CLCA2: variants seen among roughly 807,000 people sequenced by gnomAD.
The protein encoded by CLCA2 is calcium-activated chloride channel regulator 2.
A neutral mutation model predicts 82.9 loss-of-function variants in CLCA2; 85 were observed. That is an observed-to-expected ratio of 1.03 (90% CI 0.86 to 1.23). The LOEUF (loss-of-function observed/expected upper bound fraction) is 1.23. Among genes scored for constraint, CLCA2 ranks in the 50% most tolerant of loss-of-function variants. CLCA2 has a pLI of 0.00. For synonymous variants in CLCA2, 421 were observed against 391.7 expected (o/e 1.07, Z -0.88); for missense variants, 1,089 against 1,124.8 (o/e 0.97, Z 0.45).
chr1:86,443,705 TAA>T, intron 9 of CLCA2, 80 bp from the exon 10 acceptor site: 1 of 1,012,054 alleles, frequency 9.9e-7, no homozygotes, highest in African/African-American at 1.7e-5. Context: ...TTTTGCCAAT[TAA>T]TTGTTGTTTG....
At chr1:86,427,170 G>A (rs934930592) in intron 2 of CLCA2, among the ~76,000 whole-genome samples, 1 of 152,132 alleles carries the variant, frequency 6.6e-6, no homozygotes, top group African/African-American at 2.4e-5. Context: ...AAAGGGTTAG[G>A]AAAAGTAGAT....
Position 86,430,858 on chromosome 1 carries a change from G to T in CLCA2, c.476-4G>T, listed in dbSNP as rs3737672. ...CTCAAAAGCAAAAGTTCTTTCTTCC[G>T]CAGGCCGAGTGTTTGTCCATGAATG... is the stretch of plus-strand genomic sequence containing the variant. On this transcript the variant is annotated splice_polypyrimidine_tract_variant and splice_region_variant and intron_variant, in intron 3 of 13. Transcript: ENST00000370565. 1.2e-6 allele frequency: 2 copies of T among 1,609,778 alleles called. No individual in the cohort carries two copies. Among genetic ancestry groups the T allele is most frequent in the Non-Finnish European group, 1.7e-6 (2 of 1,177,852 alleles).
At position 86,434,783 on chromosome 1, in the gene CLCA2, A is replaced by AT. The variant is rs755354597; in HGVS notation, c.972+44dup. The AT allele has an allele frequency of 1.7e-5, 25 of 1,466,858 alleles. No individual in the cohort carries two copies. The East Asian group carries it at 3.4e-4, about 20-fold the overall frequency. The allele number at this position is 1,466,858 out of a possible 1,614,324, so 90.9% of individuals were successfully genotyped here. On this transcript the variant is annotated intron_variant, in intron 6 of 13. Transcript: ENST00000370565. ...ACGAAAATGAATGTAAACATTTATC[A>AT]TTTTTTCTATCAGTTCTTTATTATC...
At chr1:86,443,034 T>A (rs1428966916) in intron 9 of CLCA2, among the ~76,000 whole-genome samples, 1 of 152,082 alleles carries the variant, frequency 6.6e-6, no homozygotes, top group Non-Finnish European at 1.5e-5. Context: ...TAAATAATTT[T>A]TTTTTTTTTT....
chr1:86,450,471 G>A, intron 11 of CLCA2, 92 bp from the exon 12 acceptor site: 1 of 987,328 alleles, frequency 1.0e-6, no homozygotes, highest in Non-Finnish European at 1.5e-6. Context: ...TATATAGAAA[G>A]AATAAGGGGA....
intron 5 of CLCA2, 78 bp from the exon 6 acceptor site, chr1:86,434,440 T>A (rs1558105959): frequency 8.4e-7 from 1 of 1,186,132 alleles, no homozygotes; most frequent in Non-Finnish European, 1.2e-6. Flanking sequence ...TTCTTTTACC[T>A]ATAGTTCCTT....
chr1:86,435,946 A>C lies in CLCA2; in HGVS notation c.972+1201A>C, dbSNP rs549297789. Among the ~76,000 whole-genome samples, 136 of 148,042 alleles carry C rather than the reference A, an allele frequency of 9.2e-4. 1 individual carries two copies. The highest frequency in any genetic ancestry group is 4.8e-3 in the South Asian group (22 of 4,620). ...TTTTAAATGGTTAAAAAAAAAAAAG[A>C]GGCTTTTTCATGATGTGTGAAAAGT... is the stretch of plus-strand genomic sequence containing the variant. On this transcript the variant is annotated intron_variant, in intron 6 of 13. Coordinates refer to ENST00000370565, the MANE Select transcript of CLCA2 (RefSeq NM_006536.7).
intron 3 of CLCA2, among the ~76,000 whole-genome samples, chr1:86,429,586 G>T (rs904543384): frequency 6.6e-5 from 10 of 152,206 alleles, no homozygotes; most frequent in African/African-American, 2.4e-4. Flanking sequence ...AGAAGTCAGG[G>T]TCATAGGCCT....
chr1:86,446,948 ATAG>A (rs1169223735), intron 10 of CLCA2, among the ~76,000 whole-genome samples: 2 of 152,244 alleles, frequency 1.3e-5, no homozygotes, highest in Non-Finnish European at 2.9e-5. Context: ...CCTATTAAAA[ATAG>A]TAGGTCCTTT....
Position 86,443,925 on chromosome 1 carries a change from C to A in CLCA2, c.1627C>A (p.Pro543Thr). ...TCCTCCTGAGATTATATTATTTGAT[C>A]CTGATGGACGAAAATACTACACAAA... ...SGPPEIILFD[P>T]DGRKYYTNNF... The change falls in exon 10 of 14, where the codon CCT becomes ACT. Residue 543 changes from proline to threonine, a missense_variant. Coordinates refer to ENST00000370565, the MANE Select transcript of CLCA2 (RefSeq NM_006536.7). 6.2e-7 allele frequency: 1 copy of A among 1,613,442 alleles called. No individual in the cohort carries two copies. Among genetic ancestry groups the A allele is most frequent in the Non-Finnish European group, 8.5e-7 (1 of 1,179,460 alleles).
rs556199888 is a variant in CLCA2 at position 86,453,428 on chromosome 1, T to C, written c.2215T>C (p.Trp739Arg). 14 of 1,613,948 alleles carry C rather than the reference T, an allele frequency of 8.7e-6. No homozygotes were observed. Among genetic ancestry groups the C allele is most frequent in the East Asian group, 4.5e-5 (2 of 44,860 alleles). Reference protein sequence around the residue: ...SVGRNEEERKWGFSRVSSGGS... With the variant: ...SVGRNEEERKRGFSRVSSGGS... ...AGGCAGAAATGAGGAGGAGCGAAAG[T>C]GGGGCTTTAGCCGAGTCAGCTCAGG... is the stretch of plus-strand genomic sequence containing the variant. The change falls in exon 13 of 14, where the codon TGG (tryptophan) becomes CGG (arginine). Residue 739 changes from tryptophan (W) to arginine (R), a missense_variant. Transcript: ENST00000370565.
At chr1:86,431,655 A>C (rs1040272799) in intron 4 of CLCA2, among the ~76,000 whole-genome samples, 2 of 152,196 alleles carry the variant, frequency 1.3e-5, no homozygotes, top group Non-Finnish European at 2.9e-5. Context: ...AAATATCATC[A>C]TTACATGTTC....
intron 13 of CLCA2, among the ~76,000 whole-genome samples, chr1:86,454,196 A>T (rs1259900358): frequency 1.3e-5 from 2 of 152,070 alleles, no homozygotes; most frequent in Non-Finnish European, 2.9e-5. Flanking sequence ...TTTTTTACCC[A>T]ATTTCCACAA....
At chr1:86,451,268 T>C (rs1662956732) in intron 12 of CLCA2, among the ~76,000 whole-genome samples, 1 of 152,168 alleles carries the variant, frequency 6.6e-6, no homozygotes, top group African/African-American at 2.4e-5. Context: ...TTTAACACCA[T>C]TATAATAGTT....
rs1662734587 is a variant in CLCA2 at position 86,441,424 on chromosome 1, T to C, written c.1382-13T>C. ...CCCATTTTAATAGTGAACACTCCTA[T>C]CATGTATTTCAGGAGGTTTAAAGTT... On this transcript the variant is annotated splice_polypyrimidine_tract_variant and intron_variant, in intron 8 of 13. Transcript: ENST00000370565. The C allele has an allele frequency of 6.8e-7, 1 of 1,467,586 alleles. No individual in the cohort carries two copies. The highest frequency in any genetic ancestry group is 2.3e-5 in the East Asian group (1 of 43,944). The allele number at this position is 1,467,586 out of a possible 1,614,324, so 90.9% of individuals were successfully genotyped here. A position where few individuals can be genotyped will look rare whatever the true frequency, so the allele number is the denominator to read the frequency against.
intron 11 of CLCA2, 86 bp downstream of exon 11, chr1:86,447,864 A>T: frequency 7.2e-7 from 1 of 1,388,164 alleles, no homozygotes; most frequent in Non-Finnish European, 9.6e-7. Flanking sequence ...GCTTATCTGT[A>T]AGATTCCTTG....
chr1:86,424,392 C>T lies in CLCA2; in HGVS notation c.145C>T (p.Pro49Ser). The T allele has an allele frequency of 6.2e-7, 1 of 1,611,620 alleles. No individual in the cohort carries two copies. The highest frequency in any genetic ancestry group is 8.5e-7 in the Non-Finnish European group (1 of 1,179,262). The change falls in exon 1 of 14, where the codon CCT (proline) becomes TCT (serine). Residue 49 changes from proline to serine, a missense_variant. Physicochemically the swap from Pro to Ser is moderately conservative, Grantham distance 74. Coordinates refer to ENST00000370565, the MANE Select transcript of CLCA2 (RefSeq NM_006536.7). ...TAATGGATTGCTCATTGCAATTAAT[C>T]CTCAGGTACCTGAGAATCAGAACCT... The part of the protein sequence containing the change: ...GYNGLLIAIN[P>S]QVPENQNLIS...
rs1031963114 is a variant in CLCA2, at chr1:86,455,424, T to A, written c.2729T>A (p.Met910Lys). 1.2e-6 allele frequency: 2 copies of A among 1,605,790 alleles called. No homozygotes were observed. The highest frequency in any genetic ancestry group is 2.7e-5 in the African/African-American group (2 of 74,660). The change falls in exon 14 of 14, where the codon ATG becomes AAG. Residue 910 changes from methionine (M) to lysine (K), a missense_variant. Coordinates refer to ENST00000370565, the MANE Select transcript of CLCA2 (RefSeq NM_006536.7). ...ATATTGAAAGGAGTTTTAACAGCAA[T>A]GGGTTTGATAGGAATCATTTGCCTT... ...YLILKGVLTA[M>K]GLIGIICLII... is the part of the protein sequence containing the mutation.
chr1:86,448,913 C>T (rs1311614159), intron 11 of CLCA2, among the ~76,000 whole-genome samples: 1 of 152,212 alleles, frequency 6.6e-6, no homozygotes, highest in Non-Finnish European at 1.5e-5. Flanking sequence ...CTTGCCCCAC[C>T]CTGTGGGCCA....
Sources: allele counts gnomAD v4.1 joint callset (sites outside exome capture counted in the v4.1 genomes callset), GRCh38; gene constraint gnomAD v4.1.1; transcripts MANE v1.5; gene names NCBI Gene and HGNC (gene_info 2026-07-23, HGNC 2026-07-21).